Variants in C10orf143 observed in about 807,000 individuals in gnomAD.
C10orf143 encodes the protein uncharacterized protein C10orf143.
chr10:130,084,231 T>C (rs1861254036), intron 1 of C10orf143, among the ~76,000 whole-genome samples: 1 of 152,090 alleles, frequency 6.6e-6, no homozygotes, highest in Admixed American at 6.6e-5. Context: ...GGAGAATCAC[T>C]TGAACACGGG....
intron 1 of C10orf143, among the ~76,000 whole-genome samples, chr10:130,103,862 TGACACCAGAA>T (rs1476306945): frequency 1.9e-5 from 2 of 106,772 alleles, no homozygotes; most frequent in Admixed American, 1.1e-4. Context: ...TCAACTCATA[TGACACCAGAA>T]AAAAAAAATA....
intron 1 of C10orf143, among the ~76,000 whole-genome samples, chr10:130,086,607 T>C (rs1045411230): frequency 1.3e-5 from 2 of 152,184 alleles, no homozygotes; most frequent in Non-Finnish European, 2.9e-5. Context: ...TTAAAACTGG[T>C]TTGCTGTCAA....
intron 1 of C10orf143, among the ~76,000 whole-genome samples, chr10:130,109,118 C>A (rs558786292): frequency 6.6e-6 from 1 of 152,194 alleles, no homozygotes; most frequent in Non-Finnish European, 1.5e-5. Context: ...AGTGTCACCA[C>A]CCCACTGCCC....
intron 1 of C10orf143, chr10:130,106,524 C>G: frequency 6.3e-7 from 1 of 1,598,562 alleles, no homozygotes; most frequent in Non-Finnish European, 8.6e-7. Context: ...TCTAAACATT[C>G]GCAACAAAAT....
downstream of C10orf143, among the ~76,000 whole-genome samples, chr10:130,061,176 G>C (rs1256211416): frequency 6.6e-6 from 1 of 152,114 alleles, no homozygotes; most frequent in East Asian, 1.9e-4. Context: ...GTACATGCTT[G>C]GGAGCATATA....
chr10:130,089,351 C>T (rs1452849131), intron 1 of C10orf143, among the ~76,000 whole-genome samples: 1 of 152,198 alleles, frequency 6.6e-6, no homozygotes, highest in African/African-American at 2.4e-5. Flanking sequence ...TAAATGTCCT[C>T]TGCATTTATA....
intron 1 of C10orf143, chr10:130,106,535 G>GATGGCACA (rs1861651115): frequency 1.3e-6 from 2 of 1,596,670 alleles, no homozygotes; most frequent in East Asian, 4.5e-5. Context: ...GCAACAAAAT[G>GATGGCACA]AATTGATGGC....
At chr10:130,058,291 TCTGACCCCAGCATCTGA>T (rs1193054085) in intron 3 of C10orf143, among the ~76,000 whole-genome samples, 1 of 152,180 alleles carries the variant, frequency 6.6e-6, no homozygotes, top group East Asian at 1.9e-4. Context: ...GGAGGCCAGG[TCTGACCCCAGCATCTGA>T]CTGTGGACAA....
chr10:130,095,410 A>G (rs1192217948), intron 1 of C10orf143, among the ~76,000 whole-genome samples: 1 of 152,206 alleles, frequency 6.6e-6, no homozygotes, highest in Non-Finnish European at 1.5e-5. Flanking sequence ...TCAAGCTACC[A>G]CTGACTTTCT....
intron 3 of C10orf143, among the ~76,000 whole-genome samples, chr10:130,054,399 A>C (rs1860773376): frequency 6.6e-6 from 1 of 152,250 alleles, no homozygotes; most frequent in Non-Finnish European, 1.5e-5. Context: ...TGTATAAGTC[A>C]CATTTTCCTC....
intron 1 of C10orf143, among the ~76,000 whole-genome samples, chr10:130,098,342 A>T (rs1276251542): frequency 6.6e-6 from 1 of 152,156 alleles, no homozygotes; most frequent in Non-Finnish European, 1.5e-5. Context: ...AAACAAAAAA[A>T]ACTCTAAACC....
intron 1 of C10orf143, among the ~76,000 whole-genome samples, chr10:130,081,075 A>G (rs1861199908): frequency 6.6e-6 from 1 of 152,226 alleles, no homozygotes; most frequent in Non-Finnish European, 1.5e-5. Flanking sequence ...TTTTAAAAGA[A>G]CAAGACCCAA....
chr10:130,094,076 C>G (rs1299358894), intron 1 of C10orf143, among the ~76,000 whole-genome samples: 2 of 150,200 alleles, frequency 1.3e-5, no homozygotes, highest in African/African-American at 4.9e-5. Context: ...TACAAACTAC[C>G]ATCAGAGAAT....
Position 130,064,247 on chromosome 10 carries a change from A to G in C10orf143, c.*107T>C, listed in dbSNP as rs938961008. 2.5e-5 allele frequency: 10 copies of G among 396,336 alleles called. No homozygotes were observed. Among genetic ancestry groups the G allele is most frequent in the Admixed American group, 4.4e-5 (1 of 22,648 alleles). 24.6% of individuals were successfully genotyped at this position (396,336 alleles called of 1,614,324 possible). On this transcript the variant is annotated 3_prime_UTR_variant, in exon 4 of 4. Coordinates refer to ENST00000637128, the MANE Select transcript of C10orf143 (RefSeq NM_001355042.2). ...CACCCACAGAGGACACCGGGCTGCTATTTGAACAGGTAAGTCCCCAAACCC... is the reference window on the plus strand; with the variant it reads ...CACCCACAGAGGACACCGGGCTGCTGTTTGAACAGGTAAGTCCCCAAACCC...
chr10:130,102,990 TAAAAGA>T (rs1564970870), intron 1 of C10orf143, among the ~76,000 whole-genome samples: 1 of 147,560 alleles, frequency 6.8e-6, no homozygotes, highest in Non-Finnish European at 1.5e-5. Context: ...TTTTTTTTTT[TAAAAGA>T]TTGTGTTTCG....
intron 3 of C10orf143, among the ~76,000 whole-genome samples, chr10:130,070,446 T>C (rs141100603): frequency 5.9e-5 from 9 of 152,326 alleles, no homozygotes; most frequent in African/African-American, 2.2e-4. Context: ...TGTCAAATTA[T>C]CATCCCTTCA....
chr10:130,054,212 C>G (rs1321118667), intron 3 of C10orf143, among the ~76,000 whole-genome samples: 1 of 152,190 alleles, frequency 6.6e-6, no homozygotes, highest in Non-Finnish European at 1.5e-5. Context: ...AAGCATCATT[C>G]TATTCTGGGC....
intron 3 of C10orf143, among the ~76,000 whole-genome samples, chr10:130,055,543 A>G (rs573672159): frequency 2.4e-4 from 37 of 152,356 alleles, no homozygotes; most frequent in Admixed American, 1.5e-3. Flanking sequence ...CCTGAGATAT[A>G]ATTTCTTCCA....
chr10:130,062,003 G>A (rs544935113), downstream of C10orf143, among the ~76,000 whole-genome samples: 563 of 152,230 alleles, frequency 3.7e-3, 3 homozygotes, highest in African/African-American at 0.013. Context: ...GGTGGAGGGC[G>A]GCTGCCAGGG....
Sources: gnomAD v4.1 joint callset for allele counts (sites outside exome capture counted in the v4.1 genomes callset) on GRCh38, gnomAD v4.1.1 for gene constraint, MANE v1.5 for transcripts, NCBI Gene and HGNC (gene_info 2026-07-23, HGNC 2026-07-21) for gene names.